Variants in ALDH1L1 observed in about 807,000 individuals in gnomAD.
ALDH1L1 encodes aldehyde dehydrogenase 1 family member L1.
Under a neutral mutation model 101.1 loss-of-function variants are expected in ALDH1L1, and 68 were observed. That is an observed-to-expected ratio of 0.67 (90% confidence interval 0.55 to 0.82). ALDH1L1 has a LOEUF of 0.82. Ranked by LOEUF, ALDH1L1 falls within the 40% of genes least tolerant of loss-of-function variation. ALDH1L1 has a pLI of 0.00. For synonymous variants in ALDH1L1, 486 were observed against 470.8 expected, an observed-to-expected ratio of 1.03 and a Z score of -0.42; for missense variants, 1,087 against 1,172.7, an observed-to-expected ratio of 0.93 and a Z score of 1.07.
chr3:126,190,171 A>G (rs1012462280), intron 1 of ALDH1L1, among the ~76,000 whole-genome samples: 1 of 152,200 alleles, frequency 6.6e-6, no homozygotes, highest in African/African-American at 2.4e-5. Flanking sequence ...CATGCAAACT[A>G]TTACAATAAC....
chr3:126,126,019 G>A (rs2080175405), intron 14 of ALDH1L1, among the ~76,000 whole-genome samples: 1 of 152,232 alleles, frequency 6.6e-6, no homozygotes, highest in African/African-American at 2.4e-5. Context: ...GAGAGAGGGT[G>A]ATGGCAGGCA....
intron 12 of ALDH1L1, among the ~76,000 whole-genome samples, chr3:126,132,623 A>T (rs12635787): frequency 0.64 from 96,489 of 151,804 alleles, 30,744 homozygotes; most frequent in Middle Eastern, 0.7. Context: ...TTCTCCTCTT[A>T]GCCTTCTGTA....
chr3:126,186,524 C>G (rs115986864), upstream of ALDH1L1, among the ~76,000 whole-genome samples: 3,586 of 150,958 alleles, frequency 0.024, 54 homozygotes, highest in Non-Finnish European at 0.037. Context: ...TGACCCTGAG[C>G]CTGAGGGCTT....
chr3:126,172,254 T>C (rs73859026), intron 1 of ALDH1L1, among the ~76,000 whole-genome samples: 4,966 of 152,170 alleles, frequency 0.033, 212 homozygotes, highest in East Asian at 0.2. Flanking sequence ...CAATCAGATA[T>C]GGAAGCAATG....
chr3:126,175,876 A>G (rs1391292396), intron 1 of ALDH1L1, among the ~76,000 whole-genome samples: 2 of 152,194 alleles, frequency 1.3e-5, no homozygotes, highest in Non-Finnish European at 2.9e-5. Flanking sequence ...TGAAAAGTCT[A>G]CAGATTGGGA....
At chr3:126,146,785 T>A (rs376706923) in intron 9 of ALDH1L1, 50 bp downstream of exon 9, 24 of 1,586,638 alleles carry the variant, frequency 1.5e-5, no homozygotes, top group Non-Finnish European at 2.0e-5. Flanking sequence ...CAGAGATTTG[T>A]GACACAGCAC....
chr3:126,165,405 A>G (rs1160121366), intron 1 of ALDH1L1, among the ~76,000 whole-genome samples: 2 of 152,160 alleles, frequency 1.3e-5, no homozygotes, highest in African/African-American at 4.8e-5. Context: ...TGTCTCTGCC[A>G]GATTTTGGTA....
chr3:126,150,631 T>C, intron 7 of ALDH1L1, 100 bp from the exon 8 acceptor site: 1 of 1,376,934 alleles, frequency 7.3e-7, no homozygotes, highest in South Asian at 1.4e-5. Context: ...CTCGGCTCAC[T>C]ACAACCTCCG....
At chr3:126,120,828 T>G (rs1181772937) in intron 16 of ALDH1L1, among the ~76,000 whole-genome samples, 4 of 152,182 alleles carry the variant, frequency 2.6e-5, no homozygotes, top group Non-Finnish European at 5.9e-5. Context: ...TTAGGCTATT[T>G]AAGAAATATT....
At chr3:126,111,878 T>TC (rs768773470) in intron 19 of ALDH1L1, among the ~76,000 whole-genome samples, 4 of 151,810 alleles carry the variant, frequency 2.6e-5, no homozygotes, top group African/African-American at 7.3e-5. Context: ...CTCAGCTTGC[T>TC]CCCCCCCTGG....
intron 1 of ALDH1L1, among the ~76,000 whole-genome samples, chr3:126,195,219 C>T (rs997592000): frequency 3.5e-4 from 53 of 152,134 alleles, no homozygotes; most frequent in African/African-American, 1.2e-3. Flanking sequence ...AATATCTGAC[C>T]TGTCTATATT....
chr3:126,118,854 G>C (rs1030091724), intron 16 of ALDH1L1, among the ~76,000 whole-genome samples: 10 of 151,828 alleles, frequency 6.6e-5, no homozygotes, highest in Admixed American at 1.3e-4. Context: ...TTCCTGCCCC[G>C]TCCCACGCCC....
chr3:126,158,502 A>T lies in ALDH1L1; in HGVS notation c.265T>A (p.Phe89Ile). The change falls in exon 3 of 23, where the codon TTC becomes ATC. Residue 89 changes from phenylalanine to isoleucine, a missense_variant. Coordinates refer to ENST00000393434, the MANE Select transcript of ALDH1L1 (RefSeq NM_012190.4). Reference sequence around the variant, plus strand: ...GCACTGATTATCTCCATGGGGATGAATTGGCTGCAGAAGGGCAGGACGTTG... The same window carrying T: ...GCACTGATTATCTCCATGGGGATGATTTGGCTGCAGAAGGGCAGGACGTTG... ...ELNVLPFCSQ[F>I]IPMEIISAPR... 6.2e-7 allele frequency: 1 copy of T among 1,614,178 alleles called. No individual in the cohort carries two copies.
At position 126,138,474 on chromosome 3, in the gene ALDH1L1, G is replaced by T. The variant is rs547266868; in HGVS notation, c.1077-514C>A. 3.9e-5 allele frequency among the ~76,000 whole-genome samples: 6 copies of T among 152,234 alleles called. No homozygotes were observed. The South Asian group carries it at 1.2e-3, about 32-fold the overall frequency. ...CCTAATTAAAAATGAGCAAAAGATT[G>T]AACAGATGCCTCTCAAAAGGAGAAA... On this transcript the variant is annotated intron_variant, in intron 9 of 22. Transcript: ENST00000393434.
upstream of ALDH1L1, chr3:126,181,387 C>T: frequency 3.4e-6 from 1 of 297,396 alleles, no homozygotes; most frequent in Non-Finnish European, 6.6e-6. Flanking sequence ...TGAGGCGACC[C>T]TCTCGCTAAG....
intron 16 of ALDH1L1, among the ~76,000 whole-genome samples, chr3:126,120,707 T>A (rs1231411607): frequency 6.6e-6 from 1 of 152,170 alleles, no homozygotes; most frequent in Non-Finnish European, 1.5e-5. Context: ...GCAGGTGGTG[T>A]ATAGGGACTC....
chr3:126,111,123 T>C (rs77859182), intron 19 of ALDH1L1, among the ~76,000 whole-genome samples: 19,788 of 152,314 alleles, frequency 0.13, 2,524 homozygotes, highest in African/African-American at 0.33. Flanking sequence ...GGGCCCATCG[T>C]GGCAGTGGGC....
At chr3:126,181,402 G>C, upstream of ALDH1L1, 1 of 287,122 alleles carries the variant, frequency 3.5e-6, no homozygotes, top group Non-Finnish European at 6.9e-6. Flanking sequence ...GCTAAGTCCC[G>C]ACCACCTGGC....
At chr3:126,113,086 T>C (rs1244225652) in intron 18 of ALDH1L1, among the ~76,000 whole-genome samples, 10 of 152,146 alleles carry the variant, frequency 6.6e-5, no homozygotes, top group Non-Finnish European at 1.0e-4. Context: ...CTGAGGCCCA[T>C]GCAGTGACAG....
Sources: gnomAD v4.1 joint callset for allele counts (sites outside exome capture counted in the v4.1 genomes callset) on GRCh38, gnomAD v4.1.1 for gene constraint, MANE v1.5 for transcripts, NCBI Gene and HGNC (gene_info 2026-07-23, HGNC 2026-07-21) for gene names.